MINDY3: variants seen among roughly 807,000 people sequenced by gnomAD.
MINDY3 encodes ubiquitin carboxyl-terminal hydrolase MINDY-3.
Under a neutral mutation model 69.2 loss-of-function variants are expected in MINDY3, and 38 were observed. The observed-to-expected ratio is 0.55, with a 90% CI of 0.42 to 0.72. MINDY3 has a LOEUF of 0.72. Ranked by LOEUF, MINDY3 falls within the 30% of genes least tolerant of loss-of-function variation. MINDY3 has a pLI of 0.00. For synonymous variants in MINDY3, 192 were observed against 180.1 expected, an observed-to-expected ratio of 1.07 and a Z score of -0.53; for missense variants, 522 against 519.0, an observed-to-expected ratio of 1.01 and a Z score of -0.06.
At chr10:15,844,954 C>G (rs917193379) in intron 2 of MINDY3, among the ~76,000 whole-genome samples, 1 of 152,172 alleles carries the variant, frequency 6.6e-6, no homozygotes, top group Non-Finnish European at 1.5e-5. Context: ...GACTGCACAT[C>G]TATGCCCATT....
In MINDY3 at chr10:15,779,152, AAAT is replaced by A. The variant is rs1836319654; in HGVS notation, c.1189-14_1189-12del. 1.2e-6 allele frequency: 2 copies of A among 1,609,676 alleles called. No individual in the cohort carries two copies. Among genetic ancestry groups the A allele is most frequent in the Non-Finnish European group, 1.7e-6 (2 of 1,177,792 alleles). ...TTCTACGTACATGACCTGTTGAACA[AAAT>A]AAAGCCACCAAGGTCAAGCAACAGT... On this transcript the variant is annotated splice_polypyrimidine_tract_variant and intron_variant, in intron 14 of 14. Transcript: ENST00000277632.
intron 1 of MINDY3, among the ~76,000 whole-genome samples, chr10:15,859,675 C>G (rs1168692208): frequency 6.6e-6 from 1 of 152,144 alleles, no homozygotes; most frequent in Non-Finnish European, 1.5e-5. Context: ...CAAGAGTACA[C>G]TTTTTAGCAA....
intron 11 of MINDY3, among the ~76,000 whole-genome samples, chr10:15,791,071 C>A (rs1187149539): frequency 2.6e-5 from 4 of 152,094 alleles, no homozygotes; most frequent in African/African-American, 7.2e-5. Context: ...AACTCATAAG[C>A]ACAGATATTC....
At chr10:15,782,087 T>C (rs548759483) in intron 14 of MINDY3, 68 bp downstream of exon 14, 9 of 1,134,822 alleles carry the variant, frequency 7.9e-6, no homozygotes, top group Admixed American at 3.8e-5. Flanking sequence ...GAATCGAACA[T>C]TGTTACATAC....
intron 8 of MINDY3, among the ~76,000 whole-genome samples, chr10:15,832,653 C>A (rs1159973889): frequency 2.0e-5 from 3 of 152,094 alleles, no homozygotes; most frequent in African/African-American, 7.2e-5. Flanking sequence ...AATAATTTTG[C>A]ATATGAATTA....
intron 14 of MINDY3, 55 bp from the exon 15 acceptor site, chr10:15,779,196 TGTGGAATGAAAACAA>T: frequency 6.5e-7 from 1 of 1,530,250 alleles, no homozygotes. Flanking sequence ...CAAATTCTTA[TGTGGAATGAAAACAA>T]TTTTTAGAGG....
At chr10:15,854,223 G>A (rs1480115003) in intron 1 of MINDY3, among the ~76,000 whole-genome samples, 1 of 152,122 alleles carries the variant, frequency 6.6e-6, no homozygotes, top group Non-Finnish European at 1.5e-5. Context: ...GATGTGTCAA[G>A]TTTTGGTGTG....
chr10:15,792,118 T>C (rs932505992), intron 11 of MINDY3, among the ~76,000 whole-genome samples: 1 of 151,674 alleles, frequency 6.6e-6, no homozygotes, highest in African/African-American at 2.4e-5. Context: ...AAAAAAAAAA[T>C]AGAATTTAAT....
rs770270511 is a variant in MINDY3, at chr10:15,816,604, TAAAG to T, written c.882+227_882+230del. Among the ~76,000 whole-genome samples, 102 of 151,986 alleles carry T rather than the reference TAAAG, an allele frequency of 6.7e-4. 1 individual carries two copies. Among genetic ancestry groups the T allele is most frequent in the Non-Finnish European group, 1.0e-3 (71 of 67,986 alleles). On this transcript the variant is annotated intron_variant, in intron 10 of 14. Transcript: ENST00000277632. Reference sequence around the variant, plus strand: ...TGAAAAAAATCAAAAGCTAAAGCTCTAAAGAAAGAAGAAGAAATTATAACTAAAT... The same window carrying T: ...TGAAAAAAATCAAAAGCTAAAGCTCTAAAGAAGAAGAAATTATAACTAAAT...
At chr10:15,841,950 G>T (rs990656086) in intron 3 of MINDY3, among the ~76,000 whole-genome samples, 1 of 151,694 alleles carries the variant, frequency 6.6e-6, no homozygotes, top group Non-Finnish European at 1.5e-5. Context: ...CTGAAGAACT[G>T]AGCACAATGT....
intron 13 of MINDY3, among the ~76,000 whole-genome samples, chr10:15,783,874 T>C (rs959025598): frequency 2.6e-5 from 4 of 152,168 alleles, no homozygotes; most frequent in Admixed American, 1.3e-4. Flanking sequence ...CTGAATATAA[T>C]TTATATTCCC....
intron 11 of MINDY3, among the ~76,000 whole-genome samples, chr10:15,793,982 G>A (rs1008962797): frequency 6.6e-6 from 1 of 152,028 alleles, no homozygotes. Flanking sequence ...GCCTGTACAC[G>A]CCTATTTAAT....
chr10:15,796,751 T>G (rs1488382563), intron 10 of MINDY3, among the ~76,000 whole-genome samples: 1 of 152,040 alleles, frequency 6.6e-6, no homozygotes, highest in Non-Finnish European at 1.5e-5. Flanking sequence ...GGACAGAAAT[T>G]TCTTTCCCCC....
intron 1 of MINDY3, chr10:15,858,039 A>G (rs76865873): frequency 0.012 from 6,575 of 546,692 alleles, 331 homozygotes; most frequent in African/African-American, 0.12. Context: ...TGTTCCCACA[A>G]TCCCAAAGGA....
rs749657603 is a variant in MINDY3, at chr10:15,826,868, A to G, written c.731-5142T>C. Among the ~76,000 whole-genome samples the G allele has an allele frequency of 7.2e-4, 109 of 152,284 alleles. 1 individual carries two copies. The highest frequency in any genetic ancestry group is 1.4e-3 in the Non-Finnish European group (94 of 68,012). On this transcript the variant is annotated intron_variant, in intron 8 of 14. Coordinates refer to ENST00000277632, the MANE Select transcript of MINDY3 (RefSeq NM_024948.4). ...AAAAGGCAGATCCCAAACTCATACC[A>G]TTCATAAATACAAAATCCAGATAGA...
Position 15,783,218 on chromosome 10 carries a change from G to A in MINDY3, c.1117-992C>T, listed in dbSNP as rs145244275. Among the ~76,000 whole-genome samples the A allele has an allele frequency of 3.3e-3, 498 of 152,240 alleles. 2 individuals carry two copies. Among genetic ancestry groups the A allele is most frequent in the African/African-American group, 0.011 (475 of 41,560 alleles). ...TCAAGGACTCCAGGAGCACTTTCCC[G>A]GTGCTTGCTTCTTCAATTCACCTGA... On this transcript the variant is annotated intron_variant, in intron 13 of 14. Coordinates refer to ENST00000277632, the MANE Select transcript of MINDY3 (RefSeq NM_024948.4).
At chr10:15,823,891 G>C (rs1450652987) in intron 8 of MINDY3, among the ~76,000 whole-genome samples, 1 of 152,102 alleles carries the variant, frequency 6.6e-6, no homozygotes, top group Non-Finnish European at 1.5e-5. Context: ...ATAAGTAAGA[G>C]CGTGTGATTT....
intron 10 of MINDY3, among the ~76,000 whole-genome samples, chr10:15,808,298 A>G (rs928697885): frequency 1.3e-5 from 2 of 152,206 alleles, no homozygotes; most frequent in African/African-American, 4.8e-5. Flanking sequence ...AAACTCCAGA[A>G]TTTACTTAAG....
At chr10:15,849,238 TAATTAAAGCA>T (rs1005378440) in intron 1 of MINDY3, among the ~76,000 whole-genome samples, 1 of 152,162 alleles carries the variant, frequency 6.6e-6, no homozygotes, top group Non-Finnish European at 1.5e-5. Context: ...GAAAATACCT[TAATTAAAGCA>T]AAAAGGTTTT....
Sources: allele counts gnomAD v4.1 joint callset (sites outside exome capture counted in the v4.1 genomes callset), GRCh38; gene constraint gnomAD v4.1.1; transcripts MANE v1.5; gene names NCBI Gene and HGNC (gene_info 2026-07-23, HGNC 2026-07-21).